Variants in NFYC observed in about 807,000 individuals in gnomAD.
NFYC encodes CAAT box DNA-binding protein subunit C.
A neutral mutation model predicts 53.1 loss-of-function variants in NFYC; 25 were observed. The ratio of observed to expected loss-of-function variants is 0.47; its 90% CI spans 0.34 to 0.66. The LOEUF (loss-of-function observed/expected upper bound fraction) is 0.66, where lower values mean the gene tolerates loss of function less well. NFYC is among the 30% of genes least tolerant of loss of function. The pLI is 0.01. For missense variants in NFYC, 260 were observed against 422.7 expected (o/e 0.62, Z 3.38); for synonymous variants, 145 against 152.6 (o/e 0.95, Z 0.37).
At chr1:40,706,348 G>T (rs1246814216) in intron 1 of NFYC, among the ~76,000 whole-genome samples, 1 of 152,012 alleles carries the variant, frequency 6.6e-6, no homozygotes. Context: ...GGCACTAGTA[G>T]GTGTTCAGAA....
intron 4 of NFYC, among the ~76,000 whole-genome samples, chr1:40,752,665 T>C (rs1307547687): frequency 6.6e-6 from 1 of 152,080 alleles, no homozygotes; most frequent in Non-Finnish European, 1.5e-5. Flanking sequence ...ATAAAAATCA[T>C]AGCTTGTGAG....
At chr1:40,757,099 G>A (rs566513159) in intron 5 of NFYC, among the ~76,000 whole-genome samples, 1 of 152,286 alleles carries the variant, frequency 6.6e-6, no homozygotes, top group African/African-American at 2.4e-5. Context: ...GGCAAACTTT[G>A]CCCTGAATAA....
At chr1:40,765,125 T>TC (rs1241518888) in intron 7 of NFYC, among the ~76,000 whole-genome samples, 7 of 152,278 alleles carry the variant, frequency 4.6e-5, no homozygotes, top group Admixed American at 3.9e-4. Context: ...CCAGCTGCCT[T>TC]CCTCCCCACA....
intron 1 of NFYC, among the ~76,000 whole-genome samples, chr1:40,699,547 G>A (rs1014852460): frequency 5.3e-5 from 8 of 152,188 alleles, no homozygotes; most frequent in South Asian, 2.1e-4. Flanking sequence ...ATGAAATGAC[G>A]AAGTTGGGGC....
chr1:40,765,598 T>C (rs1646771117), intron 7 of NFYC, among the ~76,000 whole-genome samples: 1 of 152,164 alleles, frequency 6.6e-6, no homozygotes, highest in Non-Finnish European at 1.5e-5. Context: ...AAAGGCAGGC[T>C]GGGCAGCCAG....
chr1:40,764,115 C>G (rs3767953), intron 7 of NFYC, among the ~76,000 whole-genome samples: 12,148 of 152,204 alleles, frequency 0.08, 649 homozygotes, highest in South Asian at 0.18. Context: ...GTGTCCTTGT[C>G]TTAACACTTG....
intron 1 of NFYC, among the ~76,000 whole-genome samples, chr1:40,735,998 G>T (rs888840195): frequency 4.6e-5 from 7 of 152,100 alleles, no homozygotes; most frequent in Non-Finnish European, 8.8e-5. Context: ...AAATGCAGGG[G>T]TCTTACTTGG....
At chr1:40,755,470 C>T (rs1249104169) in intron 5 of NFYC, among the ~76,000 whole-genome samples, 2 of 152,228 alleles carry the variant, frequency 1.3e-5, no homozygotes, top group Non-Finnish European at 2.9e-5. Context: ...TTCGCTTGTT[C>T]TTCAGAGAAG....
intron 1 of NFYC, among the ~76,000 whole-genome samples, chr1:40,710,535 G>A: frequency 1.3e-5 from 2 of 152,226 alleles, no homozygotes; most frequent in East Asian, 1.9e-4. Context: ...TAATACACCT[G>A]ATTTTAAAAT....
At chr1:40,723,156 A>T (rs1644386854) in intron 1 of NFYC, 1 of 151,864 alleles carries the variant, frequency 6.6e-6, no homozygotes, top group African/African-American at 2.4e-5. Context: ...TGAAGCCCGT[A>T]AGTTGGCATC....
In NFYC at chr1:40,704,323, A is replaced by G. The variant is rs1396327406; in HGVS notation, c.-9+12456A>G. 1.1e-4 allele frequency among the ~76,000 whole-genome samples: 16 copies of G among 152,262 alleles called. 1 individual carries two copies. The South Asian group carries it at 1.7e-3, about 16-fold the overall frequency. ...CCTGAATTCGTGATCTGCCCCCCTC[A>G]GCCTCCCAAAGTGCTGGTATTACAG... On this transcript the variant is annotated intron_variant, in intron 1 of 9. Coordinates refer to ENST00000447388, the MANE Select transcript of NFYC (RefSeq NM_014223.5).
At chr1:40,748,008 G>A (rs532738174) in intron 3 of NFYC, among the ~76,000 whole-genome samples, 1 of 152,108 alleles carries the variant, frequency 6.6e-6, no homozygotes, top group South Asian at 2.1e-4. Context: ...GCTAATTTTT[G>A]TATTTTTTGT....
chr1:40,700,952 A>G (rs1164077894), intron 1 of NFYC, among the ~76,000 whole-genome samples: 1 of 152,198 alleles, frequency 6.6e-6, no homozygotes, highest in Admixed American at 6.5e-5. Flanking sequence ...GTAAGGAACT[A>G]AACAGTCTTA....
In NFYC at chr1:40,770,313, GC is replaced by G; in HGVS notation, c.889-394del. ...AGGAGGGGGTAATCCTACTGCCCCT[GC>G]CAGTGTAGATTACCAAGAGTTGGGG... On this transcript the variant is annotated intron_variant, in intron 9 of 9. Transcript: ENST00000447388. This position sits in a 1 kb window ranked among gnomAD's most constrained non-coding sequence, Gnocchi z 5.3. 1 of 1,319,058 alleles carries G rather than the reference GC, an allele frequency of 7.6e-7. No homozygotes were observed. The highest frequency in any genetic ancestry group is 1.9e-4 in the Middle Eastern group (1 of 5,234). The allele number at this position is 1,319,058 out of a possible 1,614,324, so 81.7% of individuals were successfully genotyped here.
At chr1:40,750,895 A>G (rs558445565) in intron 4 of NFYC, among the ~76,000 whole-genome samples, 114 of 152,242 alleles carry the variant, frequency 7.5e-4, no homozygotes, top group Non-Finnish European at 1.5e-3. Flanking sequence ...AAGACTGACA[A>G]TACCACAGTT....
intron 1 of NFYC, among the ~76,000 whole-genome samples, chr1:40,730,260 C>G (rs894369502): frequency 1.0e-4 from 14 of 136,722 alleles, no homozygotes; most frequent in Non-Finnish European, 1.7e-4. Flanking sequence ...AAGCTGGTCT[C>G]GAACTCCTGG....
intron 1 of NFYC, among the ~76,000 whole-genome samples, chr1:40,715,279 A>T (rs577893671): frequency 1.3e-5 from 2 of 151,856 alleles, no homozygotes; most frequent in African/African-American, 4.8e-5. Context: ...AGTCCCAGCT[A>T]TACAGGAGGC....
intron 8 of NFYC, chr1:40,766,995 T>C (rs1300846952): frequency 1.3e-6 from 2 of 1,551,100 alleles, no homozygotes; most frequent in Non-Finnish European, 8.7e-7. Context: ...CCATCAGACC[T>C]GGGAAATGTT....
intron 1 of NFYC, among the ~76,000 whole-genome samples, chr1:40,737,659 C>T (rs1645111319): frequency 6.6e-6 from 1 of 151,976 alleles, no homozygotes; most frequent in Admixed American, 6.6e-5. Flanking sequence ...GTCTTTAAGG[C>T]TTCCAGTTGC....
Sources: allele counts gnomAD v4.1 joint callset (sites outside exome capture counted in the v4.1 genomes callset), GRCh38; gene constraint gnomAD v4.1.1; non-coding constraint Gnocchi (gnomAD v3.1); transcripts MANE v1.5; gene names NCBI Gene and HGNC (gene_info 2026-07-23, HGNC 2026-07-21).